The following RCSD1 variants were observed in gnomAD, a reference collection of about 807,000 sequenced individuals.
The protein encoded by RCSD1 is capZ-interacting protein.
Under a neutral mutation model 42.5 loss-of-function variants are expected in RCSD1, and 26 were observed. That is an observed-to-expected ratio of 0.61 (90% CI 0.45 to 0.85). The LOEUF (loss-of-function observed/expected upper bound fraction) is 0.85, where lower values mean the gene tolerates loss of function less well. RCSD1 is among the 40% of genes least tolerant of loss of function. RCSD1 has a pLI of 0.00. For synonymous variants in RCSD1, 220 were observed against 212.2 expected, an observed-to-expected ratio of 1.04 and a Z score of -0.32; for missense variants, 571 against 528.3, an observed-to-expected ratio of 1.08 and a Z score of -0.79.
rs1290465717 is a variant in RCSD1 at position 167,704,706 on chromosome 1, C to T, written c.*10C>T. 1 of 1,611,974 alleles carries T rather than the reference C, an allele frequency of 6.2e-7. No homozygotes were observed. Among genetic ancestry groups the T allele is most frequent in the African/African-American group, 1.3e-5 (1 of 74,906 alleles). ...GGACACTAAAATGTGAAGAACAGCT[C>T]ATTGTGCCCCAGTGATGAAGTTGCT... is the stretch of plus-strand genomic sequence containing the variant. On this transcript the variant is annotated 3_prime_UTR_variant, in exon 7 of 7. Transcript: ENST00000367854.
rs901640174 is a variant in RCSD1, at chr1:167,698,813, G to GTTTTTGTTTTTT, written c.1218+975_1218+976insTGTTTTTTTTTT. ...GTTTTTTGTTTTTGTTTTTGTTTTT[G>GTTTTTGTTTTTT]TTTTGAGAAGGAGTCTCGCTGTGTC... is the stretch of plus-strand genomic sequence containing the variant. On this transcript the variant is annotated intron_variant, in intron 6 of 6. Coordinates refer to ENST00000367854, the MANE Select transcript of RCSD1 (RefSeq NM_052862.4). Among the ~76,000 whole-genome samples the GTTTTTGTTTTTT allele has an allele frequency of 1.7e-4, 26 of 151,220 alleles. 5 individuals are homozygous for GTTTTTGTTTTTT. Among genetic ancestry groups the GTTTTTGTTTTTT allele is most frequent in the Non-Finnish European group, 3.5e-4 (24 of 67,858 alleles).
chr1:167,693,974 G>A lies in RCSD1; in HGVS notation c.271-125G>A, dbSNP rs1659437036. The A allele has an allele frequency of 3.7e-6, 3 of 803,070 alleles. 1 individual carries two copies. In the Admixed American group the frequency reaches 7.0e-5, roughly 19 times the overall value. The allele number at this position is 803,070 out of a possible 1,614,324, so 49.7% of individuals were successfully genotyped here. A position where few individuals can be genotyped will look rare whatever the true frequency, so the allele number is the denominator to read the frequency against. ...GGGACAGTGGATAATGGGTTGGGAA[G>A]TAGCATGAAAAGCCTGGTGTTACCT... On this transcript the variant is annotated intron_variant, in intron 4 of 6. Coordinates refer to ENST00000367854, the MANE Select transcript of RCSD1 (RefSeq NM_052862.4).
At chr1:167,680,549 G>A (rs918412785) in intron 1 of RCSD1, among the ~76,000 whole-genome samples, 5 of 152,060 alleles carry the variant, frequency 3.3e-5, no homozygotes, top group Non-Finnish European at 7.4e-5. Context: ...GATGTGAGCA[G>A]GGCTTACTGC....
At chr1:167,682,962 G>T (rs1358029621) in intron 1 of RCSD1, among the ~76,000 whole-genome samples, 2 of 152,138 alleles carry the variant, frequency 1.3e-5, no homozygotes, top group East Asian at 1.9e-4. Flanking sequence ...CAAACCAAGT[G>T]GTTATGTAGG....
chr1:167,638,943 G>A (rs184855666), intron 1 of RCSD1, among the ~76,000 whole-genome samples: 1 of 152,252 alleles, frequency 6.6e-6, no homozygotes, highest in Admixed American at 6.5e-5. Context: ...CCTGGTCGGG[G>A]GCGGTGGCTT....
chr1:167,647,431 A>C (rs572481112), intron 1 of RCSD1, among the ~76,000 whole-genome samples: 40 of 151,948 alleles, frequency 2.6e-4, no homozygotes, highest in Non-Finnish European at 5.0e-4. Context: ...GCTACAAAAA[A>C]AAAAAAAATA....
At chr1:167,698,938 C>A (rs978218736) in intron 6 of RCSD1, among the ~76,000 whole-genome samples, 1 of 151,900 alleles carries the variant, frequency 6.6e-6, no homozygotes, top group Non-Finnish European at 1.5e-5. Flanking sequence ...TAGCTGGGAC[C>A]ACAGGCGCCC....
rs949989456 is a variant in RCSD1 at position 167,705,408 on chromosome 1, C to T, written c.*712C>T. The T allele has an allele frequency of 2.6e-5, 4 of 152,104 alleles. No individual in the cohort carries two copies. Among genetic ancestry groups the T allele is most frequent in the East Asian group, 1.9e-4 (1 of 5,176 alleles). The allele number at this position is 152,104 out of a possible 1,614,324, so 9.4% of individuals were successfully genotyped here. A position where few individuals can be genotyped will look rare whatever the true frequency, so the allele number is the denominator to read the frequency against. The stretch of plus-strand genomic sequence containing the variant: ...CCAGTTGGTGACCACCATGGGAGGT[C>T]GCTGGCTCGGCTCACTCCCTTCTCC... On this transcript the variant is annotated 3_prime_UTR_variant, in exon 7 of 7. Transcript: ENST00000367854.
At chr1:167,648,653 G>A (rs1033287603) in intron 1 of RCSD1, among the ~76,000 whole-genome samples, 2 of 152,182 alleles carry the variant, frequency 1.3e-5, no homozygotes, top group South Asian at 2.1e-4. Flanking sequence ...GGTAGTTCCC[G>A]CTGGAGCAGC....
At chr1:167,674,483 T>C (rs1450632808) in intron 1 of RCSD1, among the ~76,000 whole-genome samples, 2 of 149,082 alleles carry the variant, frequency 1.3e-5, no homozygotes, top group African/African-American at 4.8e-5. Flanking sequence ...TGAGATATCG[T>C]TTACATACAT....
At chr1:167,652,531 C>A (rs887677954) in intron 1 of RCSD1, among the ~76,000 whole-genome samples, 3 of 152,334 alleles carry the variant, frequency 2.0e-5, no homozygotes, top group Middle Eastern at 3.4e-3. Flanking sequence ...GACAGACCAA[C>A]AGTTGCTGCC....
At position 167,683,965 on chromosome 1, in the gene RCSD1, C is replaced by T. The variant is rs761485145; in HGVS notation, c.72C>T (p.Ala24=). 2.6e-5 allele frequency: 42 copies of T among 1,614,070 alleles called. No individual in the cohort carries two copies. The highest frequency in any genetic ancestry group is 5.3e-5 in the African/African-American group (4 of 75,062). Residue 24 remains alanine, a synonymous_variant, in exon 2 of 7, where the codon GCC becomes GCT. Transcript: ENST00000367854. The part of the protein sequence containing the change: ...NSASPSVAQL[A]GRFREQAAAA... ...CGTCCCCCTCGGTGGCCCAGCTGGC[C>T]GGGCGGTTTAGGGAGCAGGCGGCTG...
In RCSD1 at chr1:167,697,525, G is replaced by T; in HGVS notation, c.901G>T (p.Glu301Ter). ...EAENRCGSPR[E>*]EKPAGEEAEM... is the part of the protein sequence containing the mutation. ...AGAAAATAGGTGTGGGAGCCCCAGG[G>T]AGGAAAAGCCAGCTGGAGAGGAAGC... Residue 301 changes from glutamate to a stop codon, truncating the protein, a stop_gained, in exon 6 of 7, where the codon GAG (glutamate) becomes TAG (stop). Coordinates refer to ENST00000367854, the MANE Select transcript of RCSD1 (RefSeq NM_052862.4). LOFTEE classifies it high-confidence loss of function. 4 of 1,606,770 alleles carry T rather than the reference G, an allele frequency of 2.5e-6. No individual in the cohort carries two copies. Among genetic ancestry groups the T allele is most frequent in the Non-Finnish European group, 3.4e-6 (4 of 1,176,682 alleles).
At chr1:167,651,110 C>T (rs1400568497) in intron 1 of RCSD1, among the ~76,000 whole-genome samples, 1 of 152,126 alleles carries the variant, frequency 6.6e-6, no homozygotes, top group Non-Finnish European at 1.5e-5. Context: ...CAAGGGCCAT[C>T]GTAATGACCT....
At chr1:167,638,953 T>C (rs1035314954) in intron 1 of RCSD1, among the ~76,000 whole-genome samples, 18 of 152,136 alleles carry the variant, frequency 1.2e-4, no homozygotes, top group Admixed American at 2.6e-4. Flanking sequence ...GGCGGTGGCT[T>C]ATGCCTGTAA....
At position 167,697,151 on chromosome 1, in the gene RCSD1, G is replaced by A. The variant is rs756365683; in HGVS notation, c.527G>A (p.Arg176Lys). 25 of 1,614,052 alleles carry A rather than the reference G, an allele frequency of 1.5e-5. No homozygotes were observed. The highest frequency in any genetic ancestry group is 2.1e-5 in the Non-Finnish European group (25 of 1,180,048). The change falls in exon 6 of 7, where the codon AGG (arginine) becomes AAG (lysine). Residue 176 changes from arginine (R) to lysine (K), a missense_variant. Arg to Lys is a conservative substitution (Grantham distance 26). Transcript: ENST00000367854. ...CGCCCTCCCTCCAGGCGATTCCGAAGGTCACAGTCAGACTGTGGAGAACTT... is the reference window on the plus strand; with the variant it reads ...CGCCCTCCCTCCAGGCGATTCCGAAAGTCACAGTCAGACTGTGGAGAACTT... ...KRRPPSRRFR[R>K]SQSDCGELGD... is the part of the protein sequence containing the mutation.
chr1:167,639,992 T>C (rs1416232007), intron 1 of RCSD1, among the ~76,000 whole-genome samples: 1 of 152,156 alleles, frequency 6.6e-6, no homozygotes, highest in Non-Finnish European at 1.5e-5. Context: ...ATTTAAGTAC[T>C]GGAGAGGAGA....
In RCSD1 at chr1:167,708,068, G is replaced by A. The variant is rs980688493; in HGVS notation, c.*3372G>A. ...CTTATTCTTTCACCATTACTGTGGG[G>A]AAAAAGTCCTGTAGAGGCTTTCCAT... is the stretch of plus-strand genomic sequence containing the variant. On this transcript the variant is annotated 3_prime_UTR_variant, in exon 7 of 7. Coordinates refer to ENST00000367854, the MANE Select transcript of RCSD1 (RefSeq NM_052862.4). Among the ~76,000 whole-genome samples, 3 of 152,140 alleles carry A rather than the reference G, an allele frequency of 2.0e-5. No individual in the cohort carries two copies. The highest frequency in any genetic ancestry group is 4.8e-5 in the African/African-American group (2 of 41,412).
intron 4 of RCSD1, among the ~76,000 whole-genome samples, chr1:167,690,349 A>G (rs137978541): frequency 7.6e-4 from 116 of 152,234 alleles, no homozygotes; most frequent in Admixed American, 5.8e-3. Flanking sequence ...TGTATTTGAC[A>G]TTTAGTGGTG....
Sources: gnomAD v4.1 joint callset for allele counts (sites outside exome capture counted in the v4.1 genomes callset) on GRCh38, gnomAD v4.1.1 for gene constraint, MANE v1.5 for transcripts, NCBI Gene and HGNC (gene_info 2026-07-23, HGNC 2026-07-21) for gene names.